Variants in MAP4K3 observed in about 807,000 individuals in gnomAD.
MAP4K3 encodes mitogen-activated protein kinase kinase kinase kinase 3, also known as MAPK/ERK kinase kinase kinase 3.
MAP4K3 carries 94 observed loss-of-function variants against 143.5 expected under a neutral mutation model. The observed-to-expected ratio is 0.65, with a 90% CI of 0.55 to 0.78. The LOEUF (loss-of-function observed/expected upper bound fraction) is 0.78. Ranked by LOEUF, MAP4K3 falls within the 30% of genes least tolerant of loss-of-function variation. MAP4K3 has a pLI of 0.00. For synonymous variants in MAP4K3, 416 were observed against 347.2 expected, an observed-to-expected ratio of 1.20 and a Z score of -2.20; for missense variants, 1,077 against 1,068.1, an observed-to-expected ratio of 1.01 and a Z score of -0.12.
chr2:39,331,631 T>G (rs536169071), intron 8 of MAP4K3, among the ~76,000 whole-genome samples: 1 of 152,010 alleles, frequency 6.6e-6, no homozygotes, highest in East Asian at 1.9e-4. Context: ...ACATGAGAAA[T>G]GTACAGGAAA....
At chr2:39,402,000 A>G (rs773216305) in intron 1 of MAP4K3, among the ~76,000 whole-genome samples, 45 of 152,336 alleles carry the variant, frequency 3.0e-4, no homozygotes, top group Non-Finnish European at 5.7e-4. Flanking sequence ...AAAAATCAAT[A>G]AAACAGATTC....
intron 1 of MAP4K3, among the ~76,000 whole-genome samples, chr2:39,427,839 T>C (rs1398998893): frequency 2.0e-5 from 3 of 152,206 alleles, no homozygotes; most frequent in Admixed American, 6.5e-5. Flanking sequence ...CTGGCATTCA[T>C]TTATCTGTAT....
intron 1 of MAP4K3, among the ~76,000 whole-genome samples, chr2:39,430,638 CAA>C (rs1665256087): frequency 6.6e-6 from 1 of 151,856 alleles, no homozygotes; most frequent in Non-Finnish European, 1.5e-5. Flanking sequence ...TTAAAAAAAA[CAA>C]AATAAAAGTC....
chr2:39,429,906 T>A (rs1222010686), intron 1 of MAP4K3, among the ~76,000 whole-genome samples: 1 of 152,218 alleles, frequency 6.6e-6, no homozygotes, highest in African/African-American at 2.4e-5. Context: ...TATACTCACA[T>A]GTGTACTGTC....
chr2:39,314,889 T>C (rs924484329), intron 13 of MAP4K3, among the ~76,000 whole-genome samples: 3 of 152,218 alleles, frequency 2.0e-5, no homozygotes, highest in African/African-American at 7.2e-5. Context: ...CTAGGGCAGT[T>C]TGCAGACCTC....
At chr2:39,317,441 A>T (rs1439348222) in intron 12 of MAP4K3, among the ~76,000 whole-genome samples, 3 of 152,226 alleles carry the variant, frequency 2.0e-5, no homozygotes, top group Non-Finnish European at 2.9e-5. Flanking sequence ...CAGGTTCGGC[A>T]CAGCAAAAGA....
intron 2 of MAP4K3, among the ~76,000 whole-genome samples, chr2:39,372,263 C>T (rs952613865): frequency 1.3e-5 from 2 of 151,038 alleles, no homozygotes; most frequent in African/African-American, 4.9e-5. Flanking sequence ...AAACATAAAA[C>T]ATTGATGTAA....
chr2:39,410,064 C>T (rs1667194586), intron 1 of MAP4K3, among the ~76,000 whole-genome samples: 1 of 152,174 alleles, frequency 6.6e-6, no homozygotes, highest in African/African-American at 2.4e-5. Context: ...TTTTCAATAT[C>T]CTTTACGTTT....
rs556533488 is a variant in MAP4K3 at position 39,254,370 on chromosome 2, T to A, written c.2541+80A>T. 23 of 1,120,200 alleles carry A rather than the reference T, an allele frequency of 2.1e-5. No homozygotes were observed. In the African/African-American group the frequency reaches 3.5e-4, roughly 17 times the overall value. 69.4% of individuals were successfully genotyped at this position (1,120,200 alleles called of 1,614,324 possible). A position where few individuals can be genotyped will look rare whatever the true frequency, so the allele number is the denominator to read the frequency against. On this transcript the variant is annotated intron_variant, in intron 32 of 33. Transcript: ENST00000263881. ...ATAAAGTTAGCCAATCAAGCATTACTTGTATCATTTAGGAATCGAACTGTT... is the reference window on the plus strand; with the variant it reads ...ATAAAGTTAGCCAATCAAGCATTACATGTATCATTTAGGAATCGAACTGTT...
chr2:39,421,977 A>T (rs1187174862), intron 1 of MAP4K3, among the ~76,000 whole-genome samples: 1 of 151,542 alleles, frequency 6.6e-6, no homozygotes, highest in Non-Finnish European at 1.5e-5. Context: ...CATAATACTT[A>T]ATCACAAAAT....
intron 29 of MAP4K3, 44 bp downstream of exon 29, chr2:39,260,562 C>A: frequency 6.5e-7 from 1 of 1,527,206 alleles, no homozygotes; most frequent in Admixed American, 1.8e-5. Context: ...ACTTATAAAA[C>A]CAGTATATGT....
At chr2:39,288,560 C>T (rs1471827912) in intron 19 of MAP4K3, among the ~76,000 whole-genome samples, 1 of 152,222 alleles carries the variant, frequency 6.6e-6, no homozygotes, top group Admixed American at 6.5e-5. Flanking sequence ...AGTCTCCCCA[C>T]TTAGACTAGC....
At chr2:39,339,098 G>A (rs1218331579) in intron 4 of MAP4K3, among the ~76,000 whole-genome samples, 2 of 152,140 alleles carry the variant, frequency 1.3e-5, no homozygotes, top group Non-Finnish European at 2.9e-5. Flanking sequence ...AAAAACCTTG[G>A]CTAGATAGTA....
chr2:39,398,869 CCT>C (rs1270094794), intron 1 of MAP4K3, among the ~76,000 whole-genome samples: 3 of 149,150 alleles, frequency 2.0e-5, no homozygotes, highest in Admixed American at 1.4e-4. Flanking sequence ...ATGGCGAAAC[CCT>C]GTCACTACCA....
intron 8 of MAP4K3, among the ~76,000 whole-genome samples, chr2:39,330,573 A>T (rs1335954968): frequency 1.3e-5 from 2 of 152,126 alleles, no homozygotes; most frequent in African/African-American, 4.8e-5. Flanking sequence ...AAAGAGCTAG[A>T]GAATTCAACA....
intron 1 of MAP4K3, among the ~76,000 whole-genome samples, chr2:39,435,916 T>A (rs1338362351): frequency 6.6e-6 from 1 of 152,250 alleles, no homozygotes; most frequent in Non-Finnish European, 1.5e-5. Flanking sequence ...AGTAAAAACC[T>A]GCTTAAACAT....
chr2:39,292,215 A>G (rs1682073623), intron 18 of MAP4K3, among the ~76,000 whole-genome samples: 1 of 152,238 alleles, frequency 6.6e-6, no homozygotes. Context: ...TCAATCACTG[A>G]TAAATCTACA....
At chr2:39,265,499 C>T (rs1344534788) in intron 27 of MAP4K3, among the ~76,000 whole-genome samples, 193 bp from the exon 28 acceptor site, 2 of 152,120 alleles carry the variant, frequency 1.3e-5, no homozygotes, top group Non-Finnish European at 2.9e-5. Flanking sequence ...AGGAAATGCC[C>T]TCTTAACTTG....
rs186190172 is a variant in MAP4K3 at position 39,428,102 on chromosome 2, T to C, written c.96+8790A>G. Among the ~76,000 whole-genome samples the C allele has an allele frequency of 9.8e-4, 149 of 152,364 alleles. 1 individual carries two copies. The highest frequency in any genetic ancestry group is 3.4e-3 in the Middle Eastern group (1 of 292). On this transcript the variant is annotated intron_variant, in intron 1 of 33. Coordinates refer to ENST00000263881, the MANE Select transcript of MAP4K3 (RefSeq NM_003618.4). ...TTCCTACAGTATTTATATAGTTTTA[T>C]TGTTTTCTTCTAATTGTTAAAATAG...
Sources: gnomAD v4.1 joint callset for allele counts (sites outside exome capture counted in the v4.1 genomes callset) on GRCh38, gnomAD v4.1.1 for gene constraint, MANE v1.5 for transcripts, NCBI Gene and HGNC (gene_info 2026-07-23, HGNC 2026-07-21) for gene names.